Variants in GUCA1B observed in about 807,000 individuals in gnomAD.
GUCA1B encodes the protein guanylate cyclase activator 1B, also known as guanylyl cyclase-activating protein 2.
Under a neutral mutation model 24.2 loss-of-function variants are expected in GUCA1B, and 22 were observed. The ratio of observed to expected loss-of-function variants is 0.91; its 90% CI spans 0.65 to 1.30. The LOEUF (loss-of-function observed/expected upper bound fraction) is 1.30, where lower values mean the gene tolerates loss of function less well. Ranked by LOEUF, GUCA1B falls within the 50% of genes most tolerant of loss-of-function variation. GUCA1B has a pLI of 0.00. For missense variants in GUCA1B, 221 were observed against 258.8 expected (o/e 0.85, Z 1.00); for synonymous variants, 100 against 97.9 (o/e 1.02, Z -0.13).
In GUCA1B at chr6:42,194,870, C is replaced by T. The variant is rs1768372207; in HGVS notation, c.-50G>A. On this transcript the variant is annotated 5_prime_UTR_variant, in exon 1 of 4. Transcript: ENST00000230361. Reference sequence around the variant, plus strand: ...GCAAGGGTCTGTATCTCCTCCCTGGCTTCTGCTGATGGATCTCTCCAACTA... The same window carrying T: ...GCAAGGGTCTGTATCTCCTCCCTGGTTTCTGCTGATGGATCTCTCCAACTA... The T allele has an allele frequency of 2.2e-6, 3 of 1,350,666 alleles. No homozygotes were observed. The highest frequency in any genetic ancestry group is 2.0e-5 in the Admixed American group (1 of 50,786). The allele number at this position is 1,350,666 out of a possible 1,614,324, so 83.7% of individuals were successfully genotyped here. A position where few individuals can be genotyped will look rare whatever the true frequency, so the allele number is the denominator to read the frequency against.
At chr6:42,194,467 G>A (rs1031607654) in intron 1 of GUCA1B, 147 bp downstream of exon 1, 21 of 680,868 alleles carry the variant, frequency 3.1e-5, no homozygotes, top group Non-Finnish European at 5.4e-5. Flanking sequence ...TTTGGTGAGT[G>A]AGACAGAAAA....
chr6:42,187,588 T>C (rs1768217777), intron 2 of GUCA1B, among the ~76,000 whole-genome samples: 1 of 151,682 alleles, frequency 6.6e-6, no homozygotes, highest in African/African-American at 2.4e-5. Flanking sequence ...GCCCAGCTAA[T>C]TTTTTTGTAA....
chr6:42,193,559 A>AGGAGACCTAAGAGAGGC (rs1446725498), intron 1 of GUCA1B, among the ~76,000 whole-genome samples: 1 of 152,218 alleles, frequency 6.6e-6, no homozygotes, highest in Non-Finnish European at 1.5e-5. Flanking sequence ...GCTGATTCAG[A>AGGAGACCTAAGAGAGGC]GGAGACCTAA....
At position 42,194,711 on chromosome 6, in the gene GUCA1B, A is replaced by T. The variant is rs373492502; in HGVS notation, c.110T>A (p.Leu37His). ...GAAGCGCTTAAACTCATGCATAAAG[A>T]GTGTGCCGCTGGGGCACTCCATCAC... is the stretch of plus-strand genomic sequence containing the variant. Reference protein sequence around the residue: ...KFVMECPSGTLFMHEFKRFFK... With the variant: ...KFVMECPSGTHFMHEFKRFFK... Residue 37 changes from leucine (L) to histidine (H), a missense_variant, in exon 1 of 4, where the codon CTC becomes CAC. Coordinates refer to ENST00000230361, the MANE Select transcript of GUCA1B (RefSeq NM_002098.6). 26 of 1,613,298 alleles carry T rather than the reference A, an allele frequency of 1.6e-5. No homozygotes were observed. In the African/African-American group the frequency reaches 3.1e-4, roughly 19 times the overall value.
chr6:42,190,361 AT>A (rs143865611), intron 1 of GUCA1B, among the ~76,000 whole-genome samples: 59,648 of 122,712 alleles, frequency 0.49, 14,875 homozygotes, highest in Non-Finnish European at 0.59. Context: ...GTCAACTTCC[AT>A]TTTTTTTTTT....
At chr6:42,192,038 C>CAAAAAAAAAAAA (rs35283316) in intron 1 of GUCA1B, among the ~76,000 whole-genome samples, 1 of 116,876 alleles carries the variant, frequency 8.6e-6, no homozygotes, top group Non-Finnish European at 1.7e-5. Context: ...TATGATCATA[C>CAAAAAAAAAAAA]AAAAAAAAAA....
intron 1 of GUCA1B, 143 bp from the exon 2 acceptor site, chr6:42,188,874 G>A: frequency 3.1e-6 from 2 of 639,784 alleles, no homozygotes; most frequent in South Asian, 3.0e-5. Context: ...TCCACCCTTG[G>A]GGTAGAGAAC....
Position 42,184,194 on chromosome 6 carries a change from A to G in GUCA1B, c.*621T>C, listed in dbSNP as rs535059110. ...GGCTCGGCCCCCTGGGGTTCACGCCATTCTCTTGCCTCAGCCTCCTGAGTA... is the reference window on the plus strand; with the variant it reads ...GGCTCGGCCCCCTGGGGTTCACGCCGTTCTCTTGCCTCAGCCTCCTGAGTA... On this transcript the variant is annotated 3_prime_UTR_variant, in exon 4 of 4. Coordinates refer to ENST00000230361, the MANE Select transcript of GUCA1B (RefSeq NM_002098.6). 6.7e-6 allele frequency among the ~76,000 whole-genome samples: 1 copy of G among 150,272 alleles called. No homozygotes were observed. The highest frequency in any genetic ancestry group is 2.1e-4 in the South Asian group (1 of 4,766).
chr6:42,184,892 C>T lies in GUCA1B; in HGVS notation c.526G>A (p.Val176Met), dbSNP rs1446471287. 1.9e-6 allele frequency: 3 copies of T among 1,614,014 alleles called. No homozygotes were observed. Among genetic ancestry groups the T allele is most frequent in the South Asian group, 2.2e-5 (2 of 91,086 alleles). ...ATGTCCATCTGCAGCATCTTCATCA[C>T]CCACTTGTCCCGACGGGCACCTTCA... Reference protein sequence around the residue: ...FVEGARRDKWVMKMLQMDMNP... With the variant: ...FVEGARRDKWMMKMLQMDMNP... The change falls in exon 4 of 4, where the codon GTG (valine) becomes ATG (methionine). Residue 176 changes from valine (V) to methionine (M), a missense_variant. By Grantham distance (21) the Val-to-Met change is conservative. Coordinates refer to ENST00000230361, the MANE Select transcript of GUCA1B (RefSeq NM_002098.6).
rs144869340 is a variant in GUCA1B at position 42,187,454 on chromosome 6, T to A, written c.357+1128A>T. On this transcript the variant is annotated intron_variant, in intron 2 of 3. Coordinates refer to ENST00000230361, the MANE Select transcript of GUCA1B (RefSeq NM_002098.6). Reference sequence around the variant, plus strand: ...TTTTTTTTTAAAGACAAGGTTTCACTCTGTTGCTCAGGCTGGAGTGCAGTG... The same window carrying A: ...TTTTTTTTTAAAGACAAGGTTTCACACTGTTGCTCAGGCTGGAGTGCAGTG... Among the ~76,000 whole-genome samples the A allele has an allele frequency of 8.1e-3, 1,173 of 145,054 alleles. 15 individuals are homozygous for A. The highest frequency in any genetic ancestry group is 0.029 in the African/African-American group (1,111 of 38,140).
intron 1 of GUCA1B, among the ~76,000 whole-genome samples, chr6:42,193,318 T>C (rs1323389075): frequency 3.3e-5 from 5 of 152,220 alleles, no homozygotes; most frequent in African/African-American, 7.2e-5. Flanking sequence ...CTGGGGAAGA[T>C]TGATGGACTT....
At chr6:42,194,431 C>T (rs565491562) in intron 1 of GUCA1B, among the ~76,000 whole-genome samples, 183 bp downstream of exon 1, 1 of 151,950 alleles carries the variant, frequency 6.6e-6, no homozygotes, top group South Asian at 2.1e-4. Context: ...TGGAAAGGGA[C>T]AAAAGGAAGA....
Position 42,184,665 on chromosome 6 carries a change from A to G in GUCA1B, c.*150T>C. 1 of 830,422 alleles carries G rather than the reference A, an allele frequency of 1.2e-6. No homozygotes were observed. The highest frequency in any genetic ancestry group is 1.4e-5 in the South Asian group (1 of 73,792). 51.4% of individuals were successfully genotyped at this position (830,422 alleles called of 1,614,324 possible). ...CCCTGTTGGCCACTTCAAACCCAGC[A>G]GCCCTTCCCCATCCCCACTCAGCCC... On this transcript the variant is annotated 3_prime_UTR_variant, in exon 4 of 4. Coordinates refer to ENST00000230361, the MANE Select transcript of GUCA1B (RefSeq NM_002098.6).
At chr6:42,194,162 C>A (rs897354474) in intron 1 of GUCA1B, among the ~76,000 whole-genome samples, 2 of 152,336 alleles carry the variant, frequency 1.3e-5, no homozygotes, top group African/African-American at 4.8e-5. Context: ...CTCAGAAGAA[C>A]CCCAACAAGA....
At chr6:42,191,055 T>C (rs1159678726) in intron 1 of GUCA1B, among the ~76,000 whole-genome samples, 1 of 152,180 alleles carries the variant, frequency 6.6e-6, no homozygotes, top group East Asian at 1.9e-4. Flanking sequence ...TCATCTGCTA[T>C]GCATGGGACC....
intron 1 of GUCA1B, among the ~76,000 whole-genome samples, chr6:42,192,610 G>A (rs1768330445): frequency 6.6e-6 from 1 of 152,120 alleles, no homozygotes; most frequent in African/African-American, 2.4e-5. Context: ...TACTCAGGAG[G>A]ATGAGTCATG....
intron 1 of GUCA1B, among the ~76,000 whole-genome samples, chr6:42,188,948 ATCTG>A (rs1240534529): frequency 1.6e-5 from 2 of 124,480 alleles, no homozygotes; most frequent in East Asian, 1.9e-4. Flanking sequence ...ACTATCTATC[ATCTG>A]TCTATTTATT....
chr6:42,188,722 T>C lies in GUCA1B; in HGVS notation c.217A>G (p.Ile73Val), dbSNP rs1419088460. 1.2e-6 allele frequency: 2 copies of C among 1,613,862 alleles called. No individual in the cohort carries two copies. The highest frequency in any genetic ancestry group is 1.7e-6 in the Non-Finnish European group (2 of 1,179,934). Residue 73 changes from isoleucine to valine, a missense_variant, in exon 2 of 4, where the codon ATC becomes GTC. Transcript: ENST00000230361. The stretch of plus-strand genomic sequence containing the variant: ...GCTGCCACGTACTCCAGGAAGTCGA[T>C]GGTGTTGTCCTGCATTAGATGTGGA... ...RAFDKNGDNT[I>V]DFLEYVAALN... is the part of the protein sequence containing the mutation.
chr6:42,184,238 C>T lies in GUCA1B; in HGVS notation c.*577G>A, dbSNP rs1768154292. ...CTGAGTAGCTGGGACTACAGGCGCCCGCCACCTCACCCGGCTGATTTTTTG... is the reference window on the plus strand; with the variant it reads ...CTGAGTAGCTGGGACTACAGGCGCCTGCCACCTCACCCGGCTGATTTTTTG... On this transcript the variant is annotated 3_prime_UTR_variant, in exon 4 of 4. Coordinates refer to ENST00000230361, the MANE Select transcript of GUCA1B (RefSeq NM_002098.6). Among the ~76,000 whole-genome samples the T allele has an allele frequency of 6.6e-6, 1 of 152,116 alleles. No individual in the cohort carries two copies. The highest frequency in any genetic ancestry group is 2.1e-4 in the South Asian group (1 of 4,820).
Sources: allele counts gnomAD v4.1 joint callset (sites outside exome capture counted in the v4.1 genomes callset), GRCh38; gene constraint gnomAD v4.1.1; transcripts MANE v1.5; gene names NCBI Gene and HGNC (gene_info 2026-07-23, HGNC 2026-07-21).